The following SKAP2 variants were observed in gnomAD, a reference collection of about 807,000 sequenced individuals.
The protein encoded by SKAP2 is src kinase associated phosphoprotein 2.
In SKAP2, 28 loss-of-function variants were observed where a neutral mutation model predicts 54.9. The observed-to-expected ratio is 0.51, with a 90% CI of 0.38 to 0.70. The LOEUF is 0.70. Ranked by LOEUF, SKAP2 falls within the 30% of genes least tolerant of loss-of-function variation. The pLI is 0.00. For missense variants in SKAP2, 356 were observed against 424.1 expected (o/e 0.84, Z 1.41); for synonymous variants, 137 against 134.3 (o/e 1.02, Z -0.14).
intron 9 of SKAP2, among the ~76,000 whole-genome samples, chr7:26,710,125 G>T (rs1052754563): frequency 6.6e-6 from 1 of 152,100 alleles, no homozygotes; most frequent in East Asian, 1.9e-4. Context: ...TTTAACTAAA[G>T]ACTTTGCACT....
At chr7:26,679,014 G>A (rs1211033146) in intron 11 of SKAP2, among the ~76,000 whole-genome samples, 9 of 152,040 alleles carry the variant, frequency 5.9e-5, no homozygotes, top group African/African-American at 1.7e-4. Context: ...AAATATCAAC[G>A]TAGTGCTTTT....
In SKAP2 at chr7:26,690,338, A is replaced by C. The variant is rs1786754962; in HGVS notation, c.821T>G (p.Val274Gly). ...LPEEEEDSAP[V>G]KVEEQRKMSQ... Reference sequence around the variant, plus strand: ...CATCTTCCTTTGTTCTTCCACTTTCACTGGAGCACTGTCCTCTTCTTCTTC... The same window carrying C: ...CATCTTCCTTTGTTCTTCCACTTTCCCTGGAGCACTGTCCTCTTCTTCTTC... The change falls in exon 10 of 13, where the codon GTG (valine) becomes GGG (glycine). Residue 274 changes from valine to glycine, a missense_variant. By Grantham distance (109) the Val-to-Gly change is moderately radical. Transcript: ENST00000345317. The C allele has an allele frequency of 6.2e-7, 1 of 1,611,408 alleles. No individual in the cohort carries two copies. The highest frequency in any genetic ancestry group is 1.3e-5 in the African/African-American group (1 of 74,894).
At chr7:26,708,134 A>T (rs1391230304) in intron 9 of SKAP2, among the ~76,000 whole-genome samples, 1 of 152,226 alleles carries the variant, frequency 6.6e-6, no homozygotes, top group Non-Finnish European at 1.5e-5. Flanking sequence ...CACAGAGAAG[A>T]GCTAAGACAT....
chr7:26,659,268 A>G, the SKAP2 span, among the ~76,000 whole-genome samples: 1 of 152,154 alleles, frequency 6.6e-6, no homozygotes, highest in Non-Finnish European at 1.5e-5. Flanking sequence ...TTTTTAAAAA[A>G]TGCCGTGACT....
chr7:26,804,609 C>T (rs538573118), intron 4 of SKAP2, among the ~76,000 whole-genome samples: 3 of 151,712 alleles, frequency 2.0e-5, no homozygotes, highest in South Asian at 2.1e-4. Context: ...CATGGTGGCA[C>T]GCACCTGTAG....
intron 4 of SKAP2, among the ~76,000 whole-genome samples, chr7:26,781,454 T>C (rs1476135849): frequency 1.3e-5 from 2 of 152,150 alleles, no homozygotes; most frequent in Non-Finnish European, 2.9e-5. Flanking sequence ...CCAACCAGGG[T>C]GCTACTGCGC....
intron 11 of SKAP2, among the ~76,000 whole-genome samples, chr7:26,683,847 T>C (rs1244909409): frequency 6.6e-6 from 1 of 152,180 alleles, no homozygotes; most frequent in Admixed American, 6.5e-5. Flanking sequence ...AAGTCCAAAA[T>C]ATTTCTCTAA....
chr7:26,654,947 C>A, the SKAP2 span, among the ~76,000 whole-genome samples: 1 of 152,174 alleles, frequency 6.6e-6, no homozygotes, highest in Non-Finnish European at 1.5e-5. Flanking sequence ...TCCAGGGACC[C>A]GTTGGTGATA....
chr7:26,864,448 T>G lies in SKAP2; in HGVS notation c.-19A>C. 6.3e-7 allele frequency: 1 copy of G among 1,592,368 alleles called. No individual in the cohort carries two copies. The highest frequency in any genetic ancestry group is 8.6e-7 in the Non-Finnish European group (1 of 1,169,142). On this transcript the variant is annotated 5_prime_UTR_variant, in exon 1 of 13. Transcript: ENST00000345317. Reference sequence around the variant, plus strand: ...TGGGCATGTTAGGGAGCGCAGGGCGTGCGGGGAAAGGACCTGCGCTGAAAA... The same window carrying G: ...TGGGCATGTTAGGGAGCGCAGGGCGGGCGGGGAAAGGACCTGCGCTGAAAA...
intron 9 of SKAP2, among the ~76,000 whole-genome samples, chr7:26,707,412 T>C (rs1377529499): frequency 6.6e-6 from 1 of 151,988 alleles, no homozygotes; most frequent in East Asian, 1.9e-4. Context: ...CCTTAGTACA[T>C]AGGAGACAGG....
intron 4 of SKAP2, among the ~76,000 whole-genome samples, chr7:26,805,082 G>C (rs1470525703): frequency 6.6e-6 from 1 of 152,102 alleles, no homozygotes; most frequent in African/African-American, 2.4e-5. Context: ...AGATTATAAA[G>C]CTGGGCATGG....
chr7:26,681,317 T>C (rs28645143), intron 11 of SKAP2, among the ~76,000 whole-genome samples: 12,148 of 152,086 alleles, frequency 0.08, 585 homozygotes, highest in Middle Eastern at 0.17. Flanking sequence ...CTGGGTGTGG[T>C]GGCACACTCT....
chr7:26,681,372 A>C (rs529053315), intron 11 of SKAP2, among the ~76,000 whole-genome samples: 2 of 152,222 alleles, frequency 1.3e-5, no homozygotes, highest in South Asian at 4.1e-4. Context: ...TAAACCTGGG[A>C]GGCAGCGGTT....
At chr7:26,818,361 G>C (rs1170036678) in intron 4 of SKAP2, among the ~76,000 whole-genome samples, 7 of 152,090 alleles carry the variant, frequency 4.6e-5, no homozygotes, top group Admixed American at 2.0e-4. Flanking sequence ...TTAATAAATG[G>C]TGTTGGGAAA....
rs540248325 is a variant in SKAP2 at position 26,826,444 on chromosome 7, C to T, written c.307+17586G>A. On this transcript the variant is annotated intron_variant, in intron 4 of 12. Transcript: ENST00000345317. ...TTTTCACAAGTGAACCAATAAACTT[C>T]CCTTTCTGCTTTGTGCTTAAGCCAG... Among the ~76,000 whole-genome samples the T allele has an allele frequency of 3.3e-5, 5 of 152,316 alleles. No individual in the cohort carries two copies. The East Asian group carries it at 9.6e-4, about 29-fold the overall frequency.
intron 9 of SKAP2, among the ~76,000 whole-genome samples, chr7:26,709,698 T>A (rs1787253173): frequency 6.6e-6 from 1 of 152,156 alleles, no homozygotes; most frequent in Non-Finnish European, 1.5e-5. Context: ...AAATCCTAAC[T>A]ATGATCCTGT....
intron 4 of SKAP2, among the ~76,000 whole-genome samples, chr7:26,824,255 C>A (rs1165085473): frequency 1.3e-5 from 2 of 152,092 alleles, no homozygotes; most frequent in Non-Finnish European, 2.9e-5. Flanking sequence ...CATTTATTAA[C>A]AATAAAGCAT....
chr7:26,807,777 A>C (rs1003205819), intron 4 of SKAP2, among the ~76,000 whole-genome samples: 2 of 152,202 alleles, frequency 1.3e-5, no homozygotes, highest in African/African-American at 4.8e-5. Flanking sequence ...ACCTTCAGCA[A>C]CCACTGTCCT....
intron 3 of SKAP2, among the ~76,000 whole-genome samples, chr7:26,845,847 G>C (rs570341672): frequency 6.6e-6 from 1 of 152,194 alleles, no homozygotes; most frequent in African/African-American, 2.4e-5. Context: ...TAAGAGGACC[G>C]CTTGAGCCCA....
Sources: allele counts gnomAD v4.1 joint callset (sites outside exome capture counted in the v4.1 genomes callset), GRCh38; gene constraint gnomAD v4.1.1; transcripts MANE v1.5; gene names NCBI Gene and HGNC (gene_info 2026-07-23, HGNC 2026-07-21).